The following ZBTB7A variants were observed in gnomAD, a reference collection of about 807,000 sequenced individuals.
ZBTB7A encodes zinc finger and BTB domain containing 7A.
In ZBTB7A, 7 loss-of-function variants were observed where a neutral mutation model predicts 26.7. That is an observed-to-expected ratio of 0.26 (90% CI 0.15 to 0.49). The LOEUF is 0.49. Among genes scored for constraint, ZBTB7A ranks in the 20% least tolerant of loss-of-function variants. ZBTB7A has a pLI of 0.98. For missense variants in ZBTB7A, 617 were observed against 919.5 expected (o/e 0.67, Z 4.25); for synonymous variants, 452 against 441.0 (o/e 1.02, Z -0.31).
At chr19:4,055,474 T>C (rs2040568209) in intron 1 of ZBTB7A, 4 of 985,204 alleles carry the variant, frequency 4.1e-6, no homozygotes, top group Non-Finnish European at 4.8e-6. Flanking sequence ...TTTTCTTTTT[T>C]GTGTGTCTTT....
At chr19:4,051,096 C>CA (rs71166952) in intron 2 of ZBTB7A, among the ~76,000 whole-genome samples, 589 of 42,428 alleles carry the variant, frequency 0.014, 78 homozygotes, top group Middle Eastern at 0.077. Context: ...AGACTCGTCT[C>CA]AAAAAAAAAA....
chr19:4,064,646 G>A (rs1240982124), intron 1 of ZBTB7A, among the ~76,000 whole-genome samples: 2 of 152,218 alleles, frequency 1.3e-5, no homozygotes, highest in South Asian at 4.1e-4. Flanking sequence ...TTCTGAGGTT[G>A]GGGCGGGGGG....
chr19:4,045,912 G>T lies in ZBTB7A; in HGVS notation c.*1840C>A. 1 of 398,698 alleles carries T rather than the reference G, an allele frequency of 2.5e-6. No homozygotes were observed. Among genetic ancestry groups the T allele is most frequent in the Non-Finnish European group, 4.4e-6 (1 of 226,104 alleles). 24.7% of individuals were successfully genotyped at this position (398,698 alleles called of 1,614,324 possible). A position where few individuals can be genotyped will look rare whatever the true frequency, so the allele number is the denominator to read the frequency against. Reference sequence around the variant, plus strand: ...AAGAGGGGTGCCTGGGGTGGGGAGAGGGGCGGTGGTTCTAAGGCCCTGGAG... The same window carrying T: ...AAGAGGGGTGCCTGGGGTGGGGAGATGGGCGGTGGTTCTAAGGCCCTGGAG... On this transcript the variant is annotated 3_prime_UTR_variant, in exon 3 of 3. Coordinates refer to ENST00000322357, the MANE Select transcript of ZBTB7A (RefSeq NM_015898.4). This position sits in a 1 kb window ranked among gnomAD's most constrained non-coding sequence, Gnocchi z 4.1.
intron 1 of ZBTB7A, among the ~76,000 whole-genome samples, chr19:4,055,783 ACTG>A (rs1270115340): frequency 1.3e-5 from 2 of 152,176 alleles, no homozygotes; most frequent in Non-Finnish European, 2.9e-5. Flanking sequence ...AGATCACGCC[ACTG>A]CACTCCAGCC....
At chr19:4,063,255 C>T (rs1000381452) in intron 1 of ZBTB7A, among the ~76,000 whole-genome samples, 9 of 152,182 alleles carry the variant, frequency 5.9e-5, no homozygotes, top group Non-Finnish European at 1.0e-4. Context: ...AGGAACACAG[C>T]GCGCCCCGGC....
intron 1 of ZBTB7A, 152 bp from the exon 2 acceptor site, chr19:4,055,399 G>A (rs978396199): frequency 2.0e-5 from 20 of 985,246 alleles, no homozygotes; most frequent in African/African-American, 1.7e-4. Flanking sequence ...GTCAGATGTC[G>A]CGCCTTTCCA....
chr19:4,053,510 TGTGTGCGTGCGTGC>T, intron 2 of ZBTB7A, among the ~76,000 whole-genome samples: 1 of 49,018 alleles, frequency 2.0e-5, no homozygotes, highest in South Asian at 6.2e-4. Flanking sequence ...TGGGTGTGCG[TGTGTGCGTGCGTGC>T]GTGCGTGCAT....
At position 4,048,606 on chromosome 19, in the gene ZBTB7A, G is replaced by A. The variant is rs188635001; in HGVS notation, c.1263-362C>T. Among the ~76,000 whole-genome samples, 305 of 152,010 alleles carry A rather than the reference G, an allele frequency of 2.0e-3. 2 individuals carry two copies. Among genetic ancestry groups the A allele is most frequent in the African/African-American group, 7.1e-3 (296 of 41,450 alleles). On this transcript the variant is annotated intron_variant, in intron 2 of 2. Transcript: ENST00000322357. The surrounding 1 kb of genome is among the most constrained non-coding windows in gnomAD (Gnocchi z 6.7). ...AGCACTTTGGGAGGCCGAGGCGGGC[G>A]GATCACTTGAGGCCAGGAGTTCGAG...
chr19:4,049,164 G>GTATATATATA (rs748377446), intron 2 of ZBTB7A, among the ~76,000 whole-genome samples: 124 of 21,104 alleles, frequency 5.9e-3, no homozygotes, highest in Non-Finnish European at 0.01. Flanking sequence ...GTGTGTGTGT[G>GTATATATATA]TGTGTATATA....
chr19:4,066,008 C>T (rs1348672287), intron 1 of ZBTB7A, among the ~76,000 whole-genome samples: 7 of 148,280 alleles, frequency 4.7e-5, no homozygotes, highest in Non-Finnish European at 9.1e-5. Context: ...ACCGCCCCTA[C>T]CCGCAGGCCG....
At chr19:4,066,232 C>T (rs2040694962) in intron 1 of ZBTB7A, among the ~76,000 whole-genome samples, 1 of 140,276 alleles carries the variant, frequency 7.1e-6, no homozygotes, top group Admixed American at 7.1e-5. Context: ...CAATCCTGGC[C>T]AACTCCAACG....
Position 4,044,723 on chromosome 19 carries a change from C to T in ZBTB7A, c.*3029G>A, listed in dbSNP as rs1188452276. 1 of 141,766 alleles carries T rather than the reference C, an allele frequency of 7.1e-6. No homozygotes were observed. The highest frequency in any genetic ancestry group is 7.0e-5 in the Admixed American group (1 of 14,252). The allele number at this position is 141,766 out of a possible 1,614,324, so 8.8% of individuals were successfully genotyped here. A position where few individuals can be genotyped will look rare whatever the true frequency, so the allele number is the denominator to read the frequency against. On this transcript the variant is annotated 3_prime_UTR_variant, in exon 3 of 3. Coordinates refer to ENST00000322357, the MANE Select transcript of ZBTB7A (RefSeq NM_015898.4). ...GTACCAGGCAGTTAAAAAAAAAACA[C>T]CCCAAAAAAAGAAAACACAAAAAAC...
At position 4,046,227 on chromosome 19, in the gene ZBTB7A, C is replaced by G. The variant is rs2040414690; in HGVS notation, c.*1525G>C. The G allele has an allele frequency of 2.5e-6, 1 of 396,520 alleles. No homozygotes were observed. The highest frequency in any genetic ancestry group is 4.4e-6 in the Non-Finnish European group (1 of 225,066). The allele number at this position is 396,520 out of a possible 1,614,324, so 24.6% of individuals were successfully genotyped here. A position where few individuals can be genotyped will look rare whatever the true frequency, so the allele number is the denominator to read the frequency against. Reference sequence around the variant, plus strand: ...ACAGTCCTGCCTTCGAGGCTGACGTCTGGGGGTGAAGCACAAACACCTCGG... The same window carrying G: ...ACAGTCCTGCCTTCGAGGCTGACGTGTGGGGGTGAAGCACAAACACCTCGG... On this transcript the variant is annotated 3_prime_UTR_variant, in exon 3 of 3. Transcript: ENST00000322357.
chr19:4,058,203 C>T (rs1029970681), intron 1 of ZBTB7A, among the ~76,000 whole-genome samples: 12 of 152,200 alleles, frequency 7.9e-5, no homozygotes, highest in African/African-American at 2.7e-4. Flanking sequence ...TAACAGAGAC[C>T]GGGCTACAGC....
chr19:4,060,616 G>A (rs7246736), intron 1 of ZBTB7A, among the ~76,000 whole-genome samples: 5,323 of 152,266 alleles, frequency 0.035, 301 homozygotes, highest in African/African-American at 0.12. Context: ...AGCAGATGTC[G>A]CCTAGGAAGG....
rs2040509952 is a variant in ZBTB7A, at chr19:4,052,102, A to G, written c.1262+1869T>C. ...GGGGTGGGAGGAAGAGGTCTCCACA[A>G]TTGTCCCTCTCTAAGCCTCAGTTTC... On this transcript the variant is annotated intron_variant, in intron 2 of 2. Transcript: ENST00000322357. The surrounding 1 kb of genome is among the most constrained non-coding windows in gnomAD (Gnocchi z 4.9). Among the ~76,000 whole-genome samples the G allele has an allele frequency of 6.6e-6, 1 of 151,984 alleles. No individual in the cohort carries two copies. The highest frequency in any genetic ancestry group is 2.4e-5 in the African/African-American group (1 of 41,368).
chr19:4,049,111 C>T (rs1033510807), intron 2 of ZBTB7A, among the ~76,000 whole-genome samples: 3 of 139,930 alleles, frequency 2.1e-5, no homozygotes, highest in East Asian at 2.1e-4. Context: ...GAGTAGCACA[C>T]GCACCACCAC....
chr19:4,050,529 C>A (rs546651259), intron 2 of ZBTB7A, among the ~76,000 whole-genome samples: 46 of 152,334 alleles, frequency 3.0e-4, no homozygotes, highest in African/African-American at 1.1e-3. Flanking sequence ...GCCTACAAAG[C>A]CGGTCACCAT....
chr19:4,049,658 T>G (rs2040475955), intron 2 of ZBTB7A, among the ~76,000 whole-genome samples: 1 of 152,002 alleles, frequency 6.6e-6, no homozygotes, highest in Non-Finnish European at 1.5e-5. Context: ...AGTGGGGCAG[T>G]TGGTCACCCT....
Sources: gnomAD v4.1 joint callset for allele counts (sites outside exome capture counted in the v4.1 genomes callset) on GRCh38, gnomAD v4.1.1 for gene constraint, Gnocchi (gnomAD v3.1) non-coding constraint, MANE v1.5 for transcripts, NCBI Gene and HGNC (gene_info 2026-07-23, HGNC 2026-07-21) for gene names.